DAB1: variants seen among roughly 807,000 people sequenced by gnomAD.
DAB1 encodes the protein disabled homolog 1.
Under a neutral mutation model 64.6 loss-of-function variants are expected in DAB1, and 15 were observed. That is an observed-to-expected ratio of 0.23 (90% CI 0.16 to 0.36). DAB1 has a LOEUF of 0.36. Among genes scored for constraint, DAB1 ranks in the 10% least tolerant of loss-of-function variants. The probability of loss-of-function intolerance (pLI) is 1.00; values close to 1 mark genes in which losing one functional copy is unlikely to be tolerated. For missense variants in DAB1, 596 were observed against 706.7 expected (o/e 0.84, Z 1.78); for synonymous variants, 235 against 251.9 (o/e 0.93, Z 0.64).
intron 7 of DAB1, among the ~76,000 whole-genome samples, chr1:57,547,506 G>A (rs1174272805): frequency 6.6e-6 from 1 of 152,076 alleles, no homozygotes; most frequent in Non-Finnish European, 1.5e-5. Flanking sequence ...TAAGATAGTA[G>A]GTACTGAGAA....
At chr1:57,704,627 T>C (rs140213392) in intron 6 of DAB1, among the ~76,000 whole-genome samples, 208 of 152,304 alleles carry the variant, frequency 1.4e-3, no homozygotes, top group Middle Eastern at 0.01. Context: ...GGAAAGTCAG[T>C]TGAAATACAA....
At chr1:57,401,777 A>G (rs923622314) in intron 1 of DAB1, among the ~76,000 whole-genome samples, 1 of 151,932 alleles carries the variant, frequency 6.6e-6, no homozygotes, top group East Asian at 1.9e-4. Context: ...TTATCCTAGG[A>G]CTCTCTGCTA....
At chr1:57,276,064 G>T (rs898481561) in intron 2 of DAB1, among the ~76,000 whole-genome samples, 1 of 152,194 alleles carries the variant, frequency 6.6e-6, no homozygotes, top group African/African-American at 2.4e-5. Flanking sequence ...TATGATATGA[G>T]AATAGCTTAA....
At chr1:57,625,464 G>A (rs1057113578) in intron 7 of DAB1, among the ~76,000 whole-genome samples, 4 of 152,110 alleles carry the variant, frequency 2.6e-5, no homozygotes, top group Non-Finnish European at 5.9e-5. Flanking sequence ...TAGGCCTCAG[G>A]GTTTTATGGG....
chr1:57,020,107 A>C (rs964715595), intron 11 of DAB1, among the ~76,000 whole-genome samples: 1 of 151,826 alleles, frequency 6.6e-6, no homozygotes, highest in Non-Finnish European at 1.5e-5. Context: ...CAAAACAGTC[A>C]CCAAAAAAAA....
chr1:57,211,269 C>T lies in DAB1; in HGVS notation c.68-65840G>A, dbSNP rs557220405. Among the ~76,000 whole-genome samples, 20 of 152,160 alleles carry T rather than the reference C, an allele frequency of 1.3e-4. No homozygotes were observed. The Middle Eastern group carries it at 0.01, about 78-fold the overall frequency. ...TTTTGGAGGAAACAGCTGTAGCCTC[C>T]CAAGTACTAAACTGCTGCGGTCTGG... On this transcript the variant is annotated intron_variant, in intron 2 of 14. Transcript: ENST00000371236.
chr1:57,838,589 GA>G (rs1278074185), intron 1 of DAB1, among the ~76,000 whole-genome samples: 3 of 152,000 alleles, frequency 2.0e-5, no homozygotes, highest in Non-Finnish European at 4.4e-5. Flanking sequence ...ATGATTTGGT[GA>G]AAAGAGCATG....
chr1:57,361,037 A>G (rs555079824), intron 1 of DAB1, among the ~76,000 whole-genome samples: 1 of 152,218 alleles, frequency 6.6e-6, no homozygotes, highest in South Asian at 2.1e-4. Context: ...CACACAATTA[A>G]AATGCAGAGA....
intron 5 of DAB1, among the ~76,000 whole-genome samples, chr1:58,136,256 C>A (rs1414139902): frequency 1.3e-5 from 2 of 152,074 alleles, no homozygotes; most frequent in African/African-American, 4.8e-5. Flanking sequence ...AGTGGAGGGG[C>A]CTTCTCCACC....
At chr1:57,123,529 T>G (rs2100759416) in intron 4 of DAB1, among the ~76,000 whole-genome samples, 1 of 152,274 alleles carries the variant, frequency 6.6e-6, no homozygotes, top group South Asian at 2.1e-4. Flanking sequence ...TACAACTTTT[T>G]AGAATATAAT....
chr1:57,207,038 G>A (rs1264344921), intron 2 of DAB1, among the ~76,000 whole-genome samples: 1 of 131,812 alleles, frequency 7.6e-6, no homozygotes, highest in Non-Finnish European at 1.5e-5. Context: ...GCGCAGTCTC[G>A]GCTCACTGCA....
intron 4 of DAB1, among the ~76,000 whole-genome samples, chr1:57,105,359 C>T (rs1170649666): frequency 1.3e-5 from 2 of 151,884 alleles, no homozygotes; most frequent in Non-Finnish European, 2.9e-5. Flanking sequence ...AGAGAAAAAG[C>T]CCTTTCAAGC....
At chr1:57,812,201 A>C (rs1651651625) in intron 6 of DAB1, among the ~76,000 whole-genome samples, 1 of 151,940 alleles carries the variant, frequency 6.6e-6, no homozygotes, top group Admixed American at 6.6e-5. Flanking sequence ...GCATAAACTA[A>C]AGATTAGTGT....
At chr1:57,582,179 T>G (rs910731407) in intron 7 of DAB1, among the ~76,000 whole-genome samples, 5 of 152,206 alleles carry the variant, frequency 3.3e-5, no homozygotes, top group Non-Finnish European at 7.4e-5. Flanking sequence ...AGATACCACC[T>G]GAGCCTGGAT....
At chr1:57,921,784 C>T (rs1644810701) in intron 5 of DAB1, among the ~76,000 whole-genome samples, 1 of 151,988 alleles carries the variant, frequency 6.6e-6, no homozygotes, top group African/African-American at 2.4e-5. Context: ...CTTAAAATTG[C>T]CCAGTAGCTT....
intron 9 of DAB1, among the ~76,000 whole-genome samples, chr1:57,042,540 T>C (rs1447657134): frequency 6.6e-6 from 1 of 152,190 alleles, no homozygotes; most frequent in Non-Finnish European, 1.5e-5. Context: ...ACCTTCCCTC[T>C]TTTCTACTAT....
chr1:58,350,228 G>A (rs779285263), intron 3 of DAB1, among the ~76,000 whole-genome samples: 2 of 151,984 alleles, frequency 1.3e-5, no homozygotes, highest in Non-Finnish European at 2.9e-5. Context: ...TTTTTTTCAC[G>A]TGTTTGTTGG....
At chr1:57,187,906 G>C (rs925828319) in intron 2 of DAB1, among the ~76,000 whole-genome samples, 1 of 151,942 alleles carries the variant, frequency 6.6e-6, no homozygotes, top group Non-Finnish European at 1.5e-5. Flanking sequence ...GAGAGACCCC[G>C]CAAGGAGGGA....
At chr1:57,378,698 C>A (rs1570406080) in intron 1 of DAB1, among the ~76,000 whole-genome samples, 1 of 152,196 alleles carries the variant, frequency 6.6e-6, no homozygotes, top group East Asian at 1.9e-4. Context: ...ACAACATATG[C>A]CTTTGTGTGA....
Sources: allele counts gnomAD v4.1 joint callset (sites outside exome capture counted in the v4.1 genomes callset), GRCh38; gene constraint gnomAD v4.1.1; transcripts MANE v1.5; gene names NCBI Gene and HGNC (gene_info 2026-07-23, HGNC 2026-07-21).